The following LRRC37A2 variants were observed in gnomAD, a reference collection of about 807,000 sequenced individuals.
LRRC37A2 encodes the protein leucine-rich repeat-containing protein 37A2.
LRRC37A2 carries 9 observed loss-of-function variants against 68.8 expected under a neutral mutation model. The ratio of observed to expected loss-of-function variants is 0.13; its 90% CI spans 0.08 to 0.23. The LOEUF (loss-of-function observed/expected upper bound fraction) is 0.23. LRRC37A2 is among the 10% of genes least tolerant of loss of function. The pLI is 1.00. For synonymous variants in LRRC37A2, 63 were observed against 367.6 expected (o/e 0.17, Z 9.48); for missense variants, 168 against 950.4 (o/e 0.18, Z 10.82).
the LRRC37A2 span, among the ~76,000 whole-genome samples, chr17:46,974,535 G>C: frequency 2.2e-4 from 33 of 152,200 alleles, no homozygotes; most frequent in African/African-American, 6.7e-4. Flanking sequence ...GAGATCGAGA[G>C]CATCCTGGCT....
At chr17:47,017,894 G>T in the LRRC37A2 span, 627 of 1,612,274 alleles carry the variant, frequency 3.9e-4, no homozygotes, top group Admixed American at 6.2e-4. Context: ...AAGACATCCA[G>T]TCCTCTTCAC....
At chr17:46,929,800 C>G in the LRRC37A2 span, 2 of 542,254 alleles carry the variant, frequency 3.7e-6, no homozygotes, top group African/African-American at 3.8e-5. Context: ...TACCCCTCCA[C>G]TCAACCTGAC....
At chr17:46,517,242 G>A (rs2051509841) in intron 2 of LRRC37A2, 120 bp from the exon 2 acceptor site, 1 of 765,052 alleles carries the variant, frequency 1.3e-6, no homozygotes, top group East Asian at 2.7e-5. Context: ...CTCTGGAAAT[G>A]AGAAAGCAGG....
chr17:46,386,222 C>T, the LRRC37A2 span, among the ~76,000 whole-genome samples: 2 of 113,864 alleles, frequency 1.8e-5, no homozygotes, highest in East Asian at 2.3e-4. Context: ...CCTCAACCTC[C>T]CGAGTAGCTG....
chr17:46,742,539 G>A, the LRRC37A2 span, among the ~76,000 whole-genome samples: 1 of 152,170 alleles, frequency 6.6e-6, no homozygotes, highest in African/African-American at 2.4e-5. Context: ...TGTAAAAGGC[G>A]ATCCAAACTG....
At chr17:46,754,684 A>G in the LRRC37A2 span, among the ~76,000 whole-genome samples, 1 of 152,230 alleles carries the variant, frequency 6.6e-6, no homozygotes, top group Non-Finnish European at 1.5e-5. Context: ...CACCTGAAAC[A>G]AAGTTGCGCC....
the LRRC37A2 span, among the ~76,000 whole-genome samples, chr17:46,746,253 T>C: frequency 6.6e-6 from 1 of 152,248 alleles, no homozygotes; most frequent in Non-Finnish European, 1.5e-5. Flanking sequence ...CTCACAGGTG[T>C]ACTTCTATCT....
At chr17:46,986,746 G>C in the LRRC37A2 span, among the ~76,000 whole-genome samples, 1 of 152,222 alleles carries the variant, frequency 6.6e-6, no homozygotes, top group Non-Finnish European at 1.5e-5. Context: ...AAACCTAACT[G>C]CATCCTATGT....
At chr17:46,980,666 CA>C in the LRRC37A2 span, among the ~76,000 whole-genome samples, 30 of 83,890 alleles carry the variant, frequency 3.6e-4, 1 homozygote, top group Middle Eastern at 6.8e-3. Context: ...ACTAAAAATA[CA>C]AAAAAAAAAA....
chr17:46,610,031 C>CTTTCTTTCTT, the LRRC37A2 span, among the ~76,000 whole-genome samples: 2 of 69,858 alleles, frequency 2.9e-5, no homozygotes, highest in African/African-American at 8.4e-5. Context: ...CTTTCTTTCT[C>CTTTCTTTCTT]TCTCTCTCTC....
the LRRC37A2 span, among the ~76,000 whole-genome samples, chr17:46,746,051 T>A: frequency 6.6e-6 from 1 of 152,240 alleles, no homozygotes; most frequent in African/African-American, 2.4e-5. Context: ...TTCTTCCCTC[T>A]ACCTGACATC....
the LRRC37A2 span, chr17:47,005,923 T>C: frequency 6.6e-6 from 1 of 152,242 alleles, no homozygotes. Context: ...GCTGTCTTTC[T>C]CATTGTTTTA....
the LRRC37A2 span, among the ~76,000 whole-genome samples, chr17:47,002,030 C>G: frequency 6.6e-6 from 1 of 152,142 alleles, no homozygotes; most frequent in East Asian, 1.9e-4. Context: ...TGAGCCACCA[C>G]GCCTGGTCCT....
the LRRC37A2 span, among the ~76,000 whole-genome samples, chr17:46,849,147 G>C: frequency 6.6e-6 from 1 of 152,164 alleles, no homozygotes; most frequent in East Asian, 1.9e-4. Context: ...CCCAAGGGTG[G>C]GGCCACGCCA....
At chr17:46,896,410 G>GAA in the LRRC37A2 span, among the ~76,000 whole-genome samples, 671 of 77,642 alleles carry the variant, frequency 8.6e-3, 4 homozygotes, top group Non-Finnish European at 0.01. Flanking sequence ...AAGAAAGAAA[G>GAA]AAAGAAAGAA....
the LRRC37A2 span, among the ~76,000 whole-genome samples, chr17:46,795,677 A>C: frequency 6.6e-6 from 1 of 152,124 alleles, no homozygotes; most frequent in Non-Finnish European, 1.5e-5. Flanking sequence ...GTTCCGGAGC[A>C]CCCTGCTGTT....
the LRRC37A2 span, among the ~76,000 whole-genome samples, chr17:46,719,252 A>G: frequency 4.6e-5 from 7 of 152,344 alleles, no homozygotes; most frequent in East Asian, 5.8e-4. This position sits in a 1 kb window ranked among gnomAD's most constrained non-coding sequence, Gnocchi z 4.3. Flanking sequence ...AATTTTTGTT[A>G]AAGATGTGTG....
the LRRC37A2 span, among the ~76,000 whole-genome samples, chr17:46,780,580 A>G: frequency 2.0e-5 from 3 of 152,078 alleles, no homozygotes; most frequent in African/African-American, 7.2e-5. Context: ...CGAGGTCAGG[A>G]GATCGAGACC....
the LRRC37A2 span, chr17:46,763,048 G>A: frequency 1.3e-5 from 2 of 152,184 alleles, no homozygotes; most frequent in Admixed American, 1.3e-4. Flanking sequence ...AGCAGGGCTT[G>A]TGGCCAGCAG....
Sources: allele counts gnomAD v4.1 joint callset (sites outside exome capture counted in the v4.1 genomes callset), GRCh38; gene constraint gnomAD v4.1.1; non-coding constraint Gnocchi (gnomAD v3.1); transcripts MANE v1.5; gene names NCBI Gene and HGNC (gene_info 2026-07-23, HGNC 2026-07-21).